The following KAZN variants were observed in gnomAD, a reference collection of about 807,000 sequenced individuals.
KAZN encodes the protein kazrin.
Under a neutral mutation model 87.4 loss-of-function variants are expected in KAZN, and 40 were observed. The observed-to-expected ratio is 0.46, with a 90% CI of 0.36 to 0.60. The LOEUF (loss-of-function observed/expected upper bound fraction) is 0.60, where lower values mean the gene tolerates loss of function less well. Among genes scored for constraint, KAZN ranks in the 20% least tolerant of loss-of-function variants. KAZN has a pLI of 0.00. For synonymous variants in KAZN, 466 were observed against 458.3 expected, an observed-to-expected ratio of 1.02 and a Z score of -0.22; for missense variants, 898 against 1,073.9, an observed-to-expected ratio of 0.84 and a Z score of 2.29.
At chr1:14,448,056 C>T (rs769136223) in intron 2 of KAZN, among the ~76,000 whole-genome samples, 1 of 152,210 alleles carries the variant, frequency 6.6e-6, no homozygotes, top group Non-Finnish European at 1.5e-5. Flanking sequence ...AGCTTGTCCA[C>T]AGGACAAACT....
At chr1:13,910,033 T>A (rs1385008935) in intron 1 of KAZN, among the ~76,000 whole-genome samples, 1 of 152,008 alleles carries the variant, frequency 6.6e-6, no homozygotes. Flanking sequence ...TTCAGTGGGG[T>A]CTGGTATGGT....
intron 1 of KAZN, among the ~76,000 whole-genome samples, chr1:14,935,580 C>T (rs369883368): frequency 5.3e-5 from 8 of 152,214 alleles, no homozygotes; most frequent in Admixed American, 6.5e-5. Flanking sequence ...TTAACAAGCC[C>T]TGCAAGGCGA....
intron 2 of KAZN, among the ~76,000 whole-genome samples, chr1:14,203,138 G>A (rs1261079022): frequency 2.0e-5 from 3 of 151,966 alleles, no homozygotes; most frequent in Non-Finnish European, 4.4e-5. Flanking sequence ...AGCCTATCGT[G>A]ACGTATTTTA....
intron 1 of KAZN, among the ~76,000 whole-genome samples, chr1:14,836,617 G>A (rs956286361): frequency 1.3e-5 from 2 of 151,852 alleles, no homozygotes; most frequent in Non-Finnish European, 2.9e-5. Flanking sequence ...GAGCATCCCC[G>A]AGGCCTGAGA....
chr1:15,061,433 T>A (rs1638788642), intron 6 of KAZN: 2 of 152,196 alleles, frequency 1.3e-5, no homozygotes, highest in Admixed American at 1.3e-4. Context: ...CCCGGGGACT[T>A]TAGATGGCCT....
intron 1 of KAZN, among the ~76,000 whole-genome samples, chr1:14,080,510 G>C (rs1454459079): frequency 2.7e-5 from 4 of 147,666 alleles, no homozygotes; most frequent in Non-Finnish European, 1.5e-5. Flanking sequence ...TGCTGTATTT[G>C]TTGCTTCTTA....
intron 2 of KAZN, among the ~76,000 whole-genome samples, chr1:14,260,728 T>C (rs1274022019): frequency 6.6e-6 from 1 of 152,216 alleles, no homozygotes. Context: ...AGTTCCTATT[T>C]GCCAGGCACT....
chr1:14,943,752 C>G (rs1661410913), intron 1 of KAZN, among the ~76,000 whole-genome samples: 2 of 152,242 alleles, frequency 1.3e-5, no homozygotes, highest in Admixed American at 1.3e-4. Flanking sequence ...CATCGCCTCT[C>G]AGGCGAGGTG....
intron 1 of KAZN, among the ~76,000 whole-genome samples, chr1:14,139,927 ATGTGTGTGTGTGTGTGTGTGTG>A (rs541192220): frequency 1.3e-4 from 18 of 136,668 alleles, no homozygotes; most frequent in South Asian, 4.4e-4. Flanking sequence ...TTTGAGGTAA[ATGTGTGTGTGTGTGTGTGTGTG>A]TGTGTGTGTG....
chr1:14,039,743 G>C (rs148696658), intron 1 of KAZN, among the ~76,000 whole-genome samples: 16 of 152,304 alleles, frequency 1.1e-4, no homozygotes, highest in Non-Finnish European at 4.4e-5. Flanking sequence ...TGGAGATTTA[G>C]AGAAAACCCT....
intron 1 of KAZN, among the ~76,000 whole-genome samples, chr1:14,806,315 T>C (rs10927554): frequency 0.33 from 50,710 of 152,158 alleles, 9,492 homozygotes; most frequent in African/African-American, 0.51. Flanking sequence ...GGGAGGGGGT[T>C]TTGGCTAGCA....
intron 2 of KAZN, among the ~76,000 whole-genome samples, chr1:14,190,459 T>C (rs529522380): frequency 1.0e-3 from 154 of 152,142 alleles, no homozygotes; most frequent in Non-Finnish European, 2.1e-3. Flanking sequence ...CCTGTGCTAG[T>C]TTGATTGCAA....
At chr1:15,051,204 G>T (rs1473679200) in intron 4 of KAZN, among the ~76,000 whole-genome samples, 1 of 152,260 alleles carries the variant, frequency 6.6e-6, no homozygotes, top group East Asian at 1.9e-4. Context: ...TAGAGGATTC[G>T]GTTTCTGGGC....
At position 14,145,269 on chromosome 1, in the gene KAZN, C is replaced by A. The variant is rs376838184; in HGVS notation, c.92-35166C>A. Among the ~76,000 whole-genome samples the A allele has an allele frequency of 3.1e-4, 47 of 152,082 alleles. No individual in the cohort carries two copies. The South Asian group carries it at 9.8e-3, about 32-fold the overall frequency. ...ACCAGCCTGGGCAACATAGTGAGAC[C>A]CCATCTTTACAAAATAAATTTAAAA... is the stretch of plus-strand genomic sequence containing the variant. On this transcript the variant is annotated intron_variant, in intron 1 of 16. Coordinates refer to the KAZN transcript ENST00000636203.
At position 14,599,266 on chromosome 1, in the gene KAZN, G is replaced by C; in HGVS notation, c.226+43G>C. On this transcript the variant is annotated intron_variant, in intron 1 of 14. Transcript: ENST00000376030. This position sits in a 1 kb window ranked among gnomAD's most constrained non-coding sequence, Gnocchi z 4.4. ...CCCAGGGCGGAGGAAGGCGAGCAGA[G>C]CACGCCCGGCCTCGGAGGTGGCCGG... The C allele has an allele frequency of 1.5e-6, 2 of 1,308,062 alleles. No individual in the cohort carries two copies. The highest frequency in any genetic ancestry group is 3.0e-4 in the Middle Eastern group (1 of 3,382). The allele number at this position is 1,308,062 out of a possible 1,614,324, so 81.0% of individuals were successfully genotyped here. A position where few individuals can be genotyped will look rare whatever the true frequency, so the allele number is the denominator to read the frequency against.
At chr1:14,810,951 C>T (rs551089931) in intron 1 of KAZN, among the ~76,000 whole-genome samples, 1 of 152,362 alleles carries the variant, frequency 6.6e-6, no homozygotes, top group African/African-American at 2.4e-5. Context: ...CATAGGACAT[C>T]CAAGGCCCTA....
chr1:14,499,470 T>C (rs1287385250), intron 2 of KAZN, among the ~76,000 whole-genome samples: 2 of 152,150 alleles, frequency 1.3e-5, no homozygotes, highest in African/African-American at 4.8e-5. Flanking sequence ...CCTGCCTTTC[T>C]TTCTGGGAGG....
intron 1 of KAZN, among the ~76,000 whole-genome samples, chr1:13,991,521 A>G (rs985402191): frequency 2.0e-5 from 3 of 152,178 alleles, no homozygotes; most frequent in African/African-American, 7.2e-5. Context: ...GGACAAAGAT[A>G]ATAGTAAAAT....
chr1:15,103,412 G>A lies in KAZN; in HGVS notation c.1833G>A (p.Val611=), dbSNP rs1265023251. 2 of 1,552,622 alleles carry A rather than the reference G, an allele frequency of 1.3e-6. No homozygotes were observed. Among genetic ancestry groups the A allele is most frequent in the Non-Finnish European group, 1.7e-6 (2 of 1,147,546 alleles). ...AGACGCAGAACATTGACCCCGTGGT[G>A]TGGACCAACCAGCGGGTGCTCAAGT... The part of the protein sequence containing the change: ...RCETQNIDPV[V]WTNQRVLKWV... The change falls in exon 12 of 15, where the codon GTG becomes GTA. Residue 611 remains valine (V), a synonymous_variant. Transcript: ENST00000376030.
Sources: gnomAD v4.1 joint callset for allele counts (sites outside exome capture counted in the v4.1 genomes callset) on GRCh38, gnomAD v4.1.1 for gene constraint, Gnocchi (gnomAD v3.1) non-coding constraint, MANE v1.5 for transcripts, NCBI Gene and HGNC (gene_info 2026-07-23, HGNC 2026-07-21) for gene names.